PALM2AKAP2: variants seen among roughly 807,000 people sequenced by gnomAD.
The protein encoded by PALM2AKAP2 is PALM2-AKAP2 fusion protein.
PALM2AKAP2 carries 37 observed loss-of-function variants against 71.5 expected under a neutral mutation model. The ratio of observed to expected loss-of-function variants is 0.52; its 90% CI spans 0.40 to 0.68. The LOEUF (loss-of-function observed/expected upper bound fraction) is 0.68. Among genes scored for constraint, PALM2AKAP2 ranks in the 30% least tolerant of loss-of-function variants. The pLI is 0.00. For missense variants in PALM2AKAP2, 1,224 were observed against 1,191.8 expected (o/e 1.03, Z -0.40); for synonymous variants, 468 against 478.8 (o/e 0.98, Z 0.29).
At chr9:109,999,687 C>T (rs755317892) in intron 6 of PALM2AKAP2, among the ~76,000 whole-genome samples, 36 of 152,224 alleles carry the variant, frequency 2.4e-4, no homozygotes, top group Non-Finnish European at 4.0e-4. Context: ...GAGAACGGCC[C>T]GCTGAAGCAG....
Position 109,760,091 on chromosome 9 carries a change from C to T in PALM2AKAP2, c.6-20397C>T, listed in dbSNP as rs74534350. Among the ~76,000 whole-genome samples, 193 of 152,236 alleles carry T rather than the reference C, an allele frequency of 1.3e-3. 1 individual carries two copies. The highest frequency in any genetic ancestry group is 2.4e-3 in the Non-Finnish European group (166 of 67,986). On this transcript the variant is annotated intron_variant, in intron 1 of 6. Transcript: ENST00000374531. ...CCTCAGCCCCTATTGATCACTGATT[C>T]GATTTTTGCCCCTATAGTTTTGCCT...
intron 3 of PALM2AKAP2, 98 bp downstream of exon 3, chr9:109,880,779 C>A: frequency 7.0e-7 from 1 of 1,437,224 alleles, no homozygotes; most frequent in Non-Finnish European, 9.2e-7. Flanking sequence ...GTTACCTTCT[C>A]CTGTACTTGA....
exon 2 of PALM2AKAP2, chr9:110,137,976 A>G: frequency 6.2e-7 from 1 of 1,614,110 alleles, no homozygotes; most frequent in Non-Finnish European, 8.5e-7. Context: ...GCCATTCAAC[A>G]AGCCATAGCC....
At chr9:110,042,475 C>T (rs922608068) in intron 7 of PALM2AKAP2, among the ~76,000 whole-genome samples, 2 of 152,132 alleles carry the variant, frequency 1.3e-5, no homozygotes, top group Non-Finnish European at 2.9e-5. Flanking sequence ...GACCTTTTTG[C>T]CATTAAGTAA....
chr9:109,662,120 A>G (rs1328777058), intron 1 of PALM2AKAP2, among the ~76,000 whole-genome samples: 1 of 152,274 alleles, frequency 6.6e-6, no homozygotes, highest in Admixed American at 6.5e-5. Flanking sequence ...AAACAGGGAC[A>G]ATTTGACTTC....
intron 1 of PALM2AKAP2, among the ~76,000 whole-genome samples, chr9:109,675,145 A>C (rs1827631491): frequency 6.6e-6 from 1 of 152,144 alleles, no homozygotes; most frequent in African/African-American, 2.4e-5. Context: ...TTTTTGACTT[A>C]CAATATTTTC....
intron 6 of PALM2AKAP2, among the ~76,000 whole-genome samples, chr9:109,973,151 C>A (rs926377572): frequency 1.3e-5 from 2 of 152,162 alleles, no homozygotes; most frequent in Non-Finnish European, 2.9e-5. Flanking sequence ...AAAGTGCCAC[C>A]TTAAATTTAT....
At chr9:110,060,600 TTTTGTTTG>T (rs200124001) in intron 1 of PALM2AKAP2, among the ~76,000 whole-genome samples, 1 of 151,504 alleles carries the variant, frequency 6.6e-6, no homozygotes, top group Non-Finnish European at 1.5e-5. Context: ...GTCCAGGAGT[TTTTGTTTG>T]TTTGTTTGTT....
At chr9:109,867,208 G>GTGTGTC in intron 1 of PALM2AKAP2, 1 of 377,440 alleles carries the variant, frequency 2.6e-6, no homozygotes, top group Non-Finnish European at 5.2e-6. Context: ...GTGTGTGTCT[G>GTGTGTC]TGTGTGTGTG....
chr9:110,007,205 C>T (rs1456888186), intron 6 of PALM2AKAP2, among the ~76,000 whole-genome samples: 5 of 152,198 alleles, frequency 3.3e-5, no homozygotes, highest in Admixed American at 6.5e-5. Context: ...CAAACTGAGG[C>T]CATCAGGGCA....
At chr9:109,933,477 TG>T (rs1831155009) in intron 6 of PALM2AKAP2, among the ~76,000 whole-genome samples, 1 of 152,260 alleles carries the variant, frequency 6.6e-6, no homozygotes, top group Admixed American at 6.5e-5. Context: ...GATCAGCTTA[TG>T]GGAGGGTAGG....
At chr9:109,746,233 T>A (rs1221878748) in intron 1 of PALM2AKAP2, among the ~76,000 whole-genome samples, 1 of 152,276 alleles carries the variant, frequency 6.6e-6, no homozygotes, top group Non-Finnish European at 1.5e-5. Flanking sequence ...CAGGATGTCC[T>A]ATCTGACTTG....
chr9:109,807,916 T>C (rs542888752), intron 1 of PALM2AKAP2, among the ~76,000 whole-genome samples: 1 of 152,264 alleles, frequency 6.6e-6, no homozygotes, highest in East Asian at 1.9e-4. Flanking sequence ...ATAAGGGGCT[T>C]TTTCCTGTTT....
At chr9:109,695,862 A>G (rs1400932026) in intron 1 of PALM2AKAP2, among the ~76,000 whole-genome samples, 1 of 152,182 alleles carries the variant, frequency 6.6e-6, no homozygotes, top group African/African-American at 2.4e-5. Flanking sequence ...AGTGGTTACC[A>G]GAGGTTGACA....
intron 6 of PALM2AKAP2, among the ~76,000 whole-genome samples, chr9:109,983,593 G>A (rs1377107348): frequency 1.3e-5 from 2 of 152,288 alleles, no homozygotes; most frequent in East Asian, 3.9e-4. Flanking sequence ...CTGGCTGGGT[G>A]CGGTCTCATG....
chr9:110,063,667 C>G (rs959211999), intron 1 of PALM2AKAP2, among the ~76,000 whole-genome samples: 1 of 152,116 alleles, frequency 6.6e-6, no homozygotes, highest in Non-Finnish European at 1.5e-5. Flanking sequence ...TGGTCTTAAA[C>G]TCCTGACCTC....
intron 1 of PALM2AKAP2, among the ~76,000 whole-genome samples, chr9:109,641,091 C>T (rs1161123337): frequency 6.6e-6 from 1 of 152,182 alleles, no homozygotes; most frequent in African/African-American, 2.4e-5. Context: ...GCTAGCAGGG[C>T]CTGGGGGGCG....
intron 1 of PALM2AKAP2, among the ~76,000 whole-genome samples, chr9:109,852,453 G>A (rs961602670): frequency 4.6e-5 from 7 of 152,152 alleles, no homozygotes; most frequent in Non-Finnish European, 7.4e-5. Flanking sequence ...ATGGGCACCC[G>A]GTTGATTTCA....
At position 110,067,559 on chromosome 9, in the gene PALM2AKAP2, G is replaced by A. The variant is rs558995639; in HGVS notation, c.156+18704G>A. Among the ~76,000 whole-genome samples the A allele has an allele frequency of 4.6e-5, 7 of 152,286 alleles. No homozygotes were observed. In the South Asian group the frequency reaches 1.2e-3, roughly 27 times the overall value. On this transcript the variant is annotated intron_variant, in intron 1 of 3. Transcript: ENST00000374525. Reference sequence around the variant, plus strand: ...CAATAGATTTTTTAAAATACATTGTGCACAGTCCTCTTAAAAAAGGCATCA... The same window carrying A: ...CAATAGATTTTTTAAAATACATTGTACACAGTCCTCTTAAAAAAGGCATCA...
Sources: allele counts gnomAD v4.1 joint callset (sites outside exome capture counted in the v4.1 genomes callset), GRCh38; gene constraint gnomAD v4.1.1; transcripts MANE v1.5; gene names NCBI Gene and HGNC (gene_info 2026-07-23, HGNC 2026-07-21).